Variants in GRIA2 observed in about 807,000 individuals in gnomAD.
GRIA2 encodes the protein glutamate receptor 2.
Under a neutral mutation model 97.3 loss-of-function variants are expected in GRIA2, and 14 were observed. The observed-to-expected ratio is 0.14, with a 90% CI of 0.10 to 0.23. GRIA2 has a LOEUF of 0.23. GRIA2 is among the 10% of genes least tolerant of loss of function. The probability of loss-of-function intolerance (pLI) is 1.00; values close to 1 mark genes in which losing one functional copy is unlikely to be tolerated. For missense variants in GRIA2, 558 were observed against 1,069.8 expected, an observed-to-expected ratio of 0.52 and a Z score of 6.67; for synonymous variants, 412 against 387.8, an observed-to-expected ratio of 1.06 and a Z score of -0.73.
At chr4:157,326,519 G>A (rs1347728897) in intron 6 of GRIA2, among the ~76,000 whole-genome samples, 1 of 152,050 alleles carries the variant, frequency 6.6e-6, no homozygotes, top group African/African-American at 2.4e-5. Flanking sequence ...AAAAGCAAAG[G>A]TACTGTGGTA....
intron 2 of GRIA2, among the ~76,000 whole-genome samples, chr4:157,291,277 GC>G (rs1326972088): frequency 6.6e-6 from 1 of 151,806 alleles, no homozygotes; most frequent in Non-Finnish European, 1.5e-5. Context: ...CAATGGTTTA[GC>G]TCCATCTTCT....
At chr4:157,261,433 T>TC (rs1731528710) in intron 2 of GRIA2, among the ~76,000 whole-genome samples, 2 of 152,112 alleles carry the variant, frequency 1.3e-5, no homozygotes, top group East Asian at 3.9e-4. Context: ...ATATTTGGCA[T>TC]CTAATATGTT....
At chr4:157,343,307 A>T (rs986546945) in intron 12 of GRIA2, among the ~76,000 whole-genome samples, 1 of 152,052 alleles carries the variant, frequency 6.6e-6, no homozygotes, top group African/African-American at 2.4e-5. Flanking sequence ...TAGTCAGGGC[A>T]ATGATTTTTG....
intron 1 of GRIA2, 43 bp downstream of exon 1, chr4:157,221,173 G>A: frequency 1.0e-6 from 1 of 978,708 alleles, no homozygotes; most frequent in Non-Finnish European, 1.7e-6. Flanking sequence ...TGCATAATTT[G>A]GTGGTAATCT....
chr4:157,356,795 G>C (rs967935571), intron 12 of GRIA2, among the ~76,000 whole-genome samples: 2 of 152,044 alleles, frequency 1.3e-5, no homozygotes, highest in Non-Finnish European at 2.9e-5. Flanking sequence ...TGGTCAAGAG[G>C]CTGGAGTGGA....
chr4:157,355,930 T>TAA (rs1458926627), intron 12 of GRIA2, among the ~76,000 whole-genome samples: 220 of 43,828 alleles, frequency 5.0e-3, no homozygotes, highest in South Asian at 0.014. Context: ...TATTTATATA[T>TAA]ATTTATATAT....
At chr4:157,323,267 A>G (rs1212517452) in intron 6 of GRIA2, among the ~76,000 whole-genome samples, 2 of 124,974 alleles carry the variant, frequency 1.6e-5, no homozygotes, top group Non-Finnish European at 3.2e-5. Flanking sequence ...CCCGGGAGGT[A>G]GAGCTTGCAG....
intron 8 of GRIA2, 76 bp from the exon 9 acceptor site, chr4:157,333,934 G>C (rs1007403536): frequency 1.1e-5 from 8 of 738,392 alleles, no homozygotes; most frequent in Middle Eastern, 4.8e-4. Context: ...TTCAGACATG[G>C]CTTTGAAAAT....
chr4:157,229,995 A>G (rs1729927865), intron 2 of GRIA2, among the ~76,000 whole-genome samples: 1 of 152,180 alleles, frequency 6.6e-6, no homozygotes, highest in Non-Finnish European at 1.5e-5. Flanking sequence ...AGTATATTCT[A>G]TGCTTGTTAA....
intron 3 of GRIA2, 70 bp from the exon 4 acceptor site, chr4:157,312,609 G>T (rs1579354385): frequency 2.5e-6 from 2 of 813,942 alleles, no homozygotes; most frequent in East Asian, 5.8e-5. Flanking sequence ...ATATTCACTG[G>T]CAATTTCATA....
At chr4:157,246,576 A>T (rs988614332) in intron 2 of GRIA2, among the ~76,000 whole-genome samples, 1 of 152,134 alleles carries the variant, frequency 6.6e-6, no homozygotes, top group Non-Finnish European at 1.5e-5. Flanking sequence ...CTGGATATCA[A>T]GTTCATTGGG....
intron 12 of GRIA2, among the ~76,000 whole-genome samples, chr4:157,354,029 GA>G (rs1736138357): frequency 6.6e-6 from 1 of 151,876 alleles, no homozygotes; most frequent in African/African-American, 2.4e-5. Flanking sequence ...TTAATGATTC[GA>G]AAAATATTTT....
At chr4:157,322,242 AGTGTGTGT>A (rs35080512) in intron 6 of GRIA2, among the ~76,000 whole-genome samples, 8,922 of 137,218 alleles carry the variant, frequency 0.065, 267 homozygotes, top group Middle Eastern at 0.11. Flanking sequence ...AGAGAGAGAG[AGTGTGTGT>A]GTGTGTGTGT....
At position 157,341,411 on chromosome 4, in the gene GRIA2, A is replaced by G. The variant is rs1735541290; in HGVS notation, c.1992A>G (p.Thr664=). 1.2e-6 allele frequency: 2 copies of G among 1,612,480 alleles called. No homozygotes were observed. The highest frequency in any genetic ancestry group is 2.7e-5 in the African/African-American group (2 of 74,976). The change falls in exon 12 of 16, where the codon ACA becomes ACG. Residue 664 remains threonine, a synonymous_variant. Transcript: ENST00000264426. The stretch of plus-strand genomic sequence containing the variant: ...GTGCTGAGGATCTTTCTAAGCAAAC[A>G]GAAATTGCTTATGGAACATTAGACT... The part of the protein sequence containing the change: ...IESAEDLSKQ[T]EIAYGTLDSG...
At position 157,312,662 on chromosome 4, in the gene GRIA2, T is replaced by G. The variant is rs753109028; in HGVS notation, c.470-17T>G. On this transcript the variant is annotated splice_polypyrimidine_tract_variant and intron_variant, in intron 3 of 15. Transcript: ENST00000264426. ...TCACGTATCTTTATCAGTCATCATT[T>G]TTCTTTGCCTTCCTAGGCTTATCAA... The G allele has an allele frequency of 6.7e-7, 1 of 1,487,830 alleles. No individual in the cohort carries two copies. The highest frequency in any genetic ancestry group is 9.1e-7 in the Non-Finnish European group (1 of 1,098,894). 92.2% of individuals were successfully genotyped at this position (1,487,830 alleles called of 1,614,324 possible). A position where few individuals can be genotyped will look rare whatever the true frequency, so the allele number is the denominator to read the frequency against.
At chr4:157,244,356 A>G (rs1011140973) in intron 2 of GRIA2, among the ~76,000 whole-genome samples, 1 of 152,080 alleles carries the variant, frequency 6.6e-6, no homozygotes, top group African/African-American at 2.4e-5. Context: ...ATAATCTCAG[A>G]CTGAAAGGTA....
chr4:157,311,910 G>A (rs983042730), intron 3 of GRIA2, among the ~76,000 whole-genome samples: 3 of 151,918 alleles, frequency 2.0e-5, no homozygotes, highest in Non-Finnish European at 4.4e-5. Context: ...TCCTAAATAT[G>A]AGGTAATATA....
intron 2 of GRIA2, among the ~76,000 whole-genome samples, chr4:157,301,474 T>C (rs1022583638): frequency 1.3e-5 from 2 of 152,168 alleles, no homozygotes; most frequent in East Asian, 1.9e-4. Context: ...TTGTAGAAGA[T>C]TGGTAATAAA....
At chr4:157,360,803 A>T in intron 13 of GRIA2, 1 of 629,154 alleles carries the variant, frequency 1.6e-6, no homozygotes, top group South Asian at 1.6e-5. Flanking sequence ...TCTTTCCTTT[A>T]TTTTCTTTTT....
Sources: gnomAD v4.1 joint callset for allele counts (sites outside exome capture counted in the v4.1 genomes callset) on GRCh38, gnomAD v4.1.1 for gene constraint, MANE v1.5 for transcripts, NCBI Gene and HGNC (gene_info 2026-07-23, HGNC 2026-07-21) for gene names.